Variants in TFB1M observed in about 807,000 individuals in gnomAD.
TFB1M encodes the protein transcription factor B1, mitochondrial, also known as dimethyladenosine transferase 1, mitochondrial.
Under a neutral mutation model 31.1 loss-of-function variants are expected in TFB1M, and 27 were observed. The observed-to-expected ratio is 0.87, with a 90% CI of 0.64 to 1.20. The LOEUF (loss-of-function observed/expected upper bound fraction) is 1.20, where lower values mean the gene tolerates loss of function less well. TFB1M is among the 50% of genes most tolerant of loss of function. TFB1M has a pLI of 0.00. For missense variants in TFB1M, 394 were observed against 418.7 expected, an observed-to-expected ratio of 0.94 and a Z score of 0.51; for synonymous variants, 166 against 151.8, an observed-to-expected ratio of 1.09 and a Z score of -0.69.
intron 3 of TFB1M, 68 bp downstream of exon 3, chr6:155,298,409 A>C (rs1296891804): frequency 1.3e-5 from 11 of 833,096 alleles, no homozygotes; most frequent in Non-Finnish European, 1.9e-5. Flanking sequence ...TAAATGTATC[A>C]TAAAATGAAC....
intron 1 of TFB1M, 23 bp downstream of exon 1, chr6:155,314,273 G>C (rs1298437091): frequency 6.2e-7 from 1 of 1,612,800 alleles, no homozygotes; most frequent in South Asian, 1.1e-5. Context: ...GAGACATCCG[G>C]GGAGCACTGC....
At chr6:155,260,644 A>G (rs1452632072) in intron 5 of TFB1M, 1 of 551,118 alleles carries the variant, frequency 1.8e-6, no homozygotes, top group South Asian at 2.0e-5. Flanking sequence ...CCTGTGCTTG[A>G]TGGTCACTTA....
In TFB1M at chr6:155,257,476, G is replaced by T; in HGVS notation, c.*360C>A. 1 of 325,876 alleles carries T rather than the reference G, an allele frequency of 3.1e-6. No homozygotes were observed. The highest frequency in any genetic ancestry group is 5.6e-6 in the Non-Finnish European group (1 of 177,932). The allele number at this position is 325,876 out of a possible 1,614,324, so 20.2% of individuals were successfully genotyped here. On this transcript the variant is annotated 3_prime_UTR_variant, in exon 7 of 7. Coordinates refer to ENST00000367166, the MANE Select transcript of TFB1M (RefSeq NM_016020.4). ...AAGGGCCATTTTTTAAAATCCTCTG[G>T]GCATTTTCTTTCAGCTGTTTGTTAG... is the stretch of plus-strand genomic sequence containing the variant.
the TFB1M span, chr6:155,245,583 T>G: frequency 5.2e-6 from 8 of 1,537,606 alleles, no homozygotes; most frequent in East Asian, 2.2e-5. Flanking sequence ...ACGCATTGAT[T>G]AAACCATGTC....
At chr6:155,292,943 C>T (rs1273974113) in intron 4 of TFB1M, among the ~76,000 whole-genome samples, 1 of 152,148 alleles carries the variant, frequency 6.6e-6, no homozygotes, top group Non-Finnish European at 1.5e-5. Context: ...ATCCTCCCAC[C>T]TCAGCCTCCT....
At chr6:155,279,233 T>C (rs1785372300) in intron 5 of TFB1M, among the ~76,000 whole-genome samples, 1 of 151,620 alleles carries the variant, frequency 6.6e-6, no homozygotes, top group South Asian at 2.1e-4. Flanking sequence ...TTTTAACCTG[T>C]GGAGCACGTG....
chr6:155,232,035 C>T, the TFB1M span, among the ~76,000 whole-genome samples: 3 of 152,124 alleles, frequency 2.0e-5, no homozygotes, highest in East Asian at 5.8e-4. Flanking sequence ...GAGCCGAGAT[C>T]GTGCCACTGC....
At chr6:155,314,102 G>C in intron 1 of TFB1M, 194 bp downstream of exon 1, 1 of 1,462,776 alleles carries the variant, frequency 6.8e-7, no homozygotes, top group East Asian at 2.5e-5. Flanking sequence ...GGAGTTTTGT[G>C]AGCAATCAAC....
At chr6:155,311,701 CTA>C (rs1262933152) in intron 1 of TFB1M, among the ~76,000 whole-genome samples, 2 of 152,200 alleles carry the variant, frequency 1.3e-5, no homozygotes, top group Non-Finnish European at 2.9e-5. Context: ...CAGCACTTTT[CTA>C]TAGTTATTGA....
At chr6:155,255,042 A>C (rs1369315575), downstream of TFB1M, 1 of 156,162 alleles carries the variant, frequency 6.4e-6, no homozygotes, top group Non-Finnish European at 1.4e-5. Context: ...GTACCCAGAC[A>C]ACCATTCTGT....
chr6:155,311,560 A>C (rs1235977903), intron 1 of TFB1M, among the ~76,000 whole-genome samples: 1 of 152,208 alleles, frequency 6.6e-6, no homozygotes, highest in African/African-American at 2.4e-5. Context: ...CCCTTAACAC[A>C]CACAGGATTA....
chr6:155,245,761 T>TTTTTG, the TFB1M span: 1 of 1,455,834 alleles, frequency 6.9e-7, no homozygotes, highest in Non-Finnish European at 9.3e-7. Flanking sequence ...TATAGTTTTT[T>TTTTTG]TTTTTTTTTG....
At position 155,256,798 on chromosome 6, in the gene TFB1M, CTG is replaced by C; in HGVS notation, c.*1036_*1037del. ...AGACATCGAAATTCAGTTCCAGAGA[CTG>C]AGGATTTCCGAGGACCCAGACGTTC... On this transcript the variant is annotated 3_prime_UTR_variant, in exon 7 of 7. Transcript: ENST00000367166. 1.9e-6 allele frequency: 3 copies of C among 1,614,194 alleles called. No individual in the cohort carries two copies. The highest frequency in any genetic ancestry group is 2.5e-6 in the Non-Finnish European group (3 of 1,180,046).
At chr6:155,232,311 A>G in the TFB1M span, among the ~76,000 whole-genome samples, 1 of 152,014 alleles carries the variant, frequency 6.6e-6, no homozygotes, top group Non-Finnish European at 1.5e-5. Flanking sequence ...TTCTGACTTA[A>G]TGAATTTGCT....
In TFB1M at chr6:155,256,952, G is replaced by A; in HGVS notation, c.*884C>T. 2 of 1,614,194 alleles carry A rather than the reference G, an allele frequency of 1.2e-6. No homozygotes were observed. Among genetic ancestry groups the A allele is most frequent in the Admixed American group, 1.7e-5 (1 of 60,016 alleles). ...AAAGCCAACAGCACCAAGAGGGACAGAGGAACTTTGCTCAAGGCGCAGATC... is the reference window on the plus strand; with the variant it reads ...AAAGCCAACAGCACCAAGAGGGACAAAGGAACTTTGCTCAAGGCGCAGATC... On this transcript the variant is annotated 3_prime_UTR_variant, in exon 7 of 7. Transcript: ENST00000367166.
intron 2 of TFB1M, among the ~76,000 whole-genome samples, chr6:155,298,868 T>C (rs1240211543): frequency 6.6e-6 from 1 of 152,214 alleles, no homozygotes; most frequent in Non-Finnish European, 1.5e-5. Context: ...TCTATTTCTA[T>C]ATAGATTTAG....
At chr6:155,271,643 GA>G (rs1784921007) in intron 5 of TFB1M, among the ~76,000 whole-genome samples, 1 of 151,926 alleles carries the variant, frequency 6.6e-6, no homozygotes, top group African/African-American at 2.4e-5. Flanking sequence ...GAATACCAGG[GA>G]AAAAAGGGAG....
chr6:155,265,734 ATATT>A (rs1784603838), intron 5 of TFB1M, among the ~76,000 whole-genome samples: 4 of 140,718 alleles, frequency 2.8e-5, no homozygotes, highest in Admixed American at 7.0e-5. Flanking sequence ...ATATAAATAT[ATATT>A]ATATATAATA....
chr6:155,304,563 C>G (rs1349341204), intron 2 of TFB1M, among the ~76,000 whole-genome samples: 1 of 151,974 alleles, frequency 6.6e-6, no homozygotes, highest in East Asian at 1.9e-4. Context: ...ATTCTACACA[C>G]AAGAAACACG....
Sources: allele counts gnomAD v4.1 joint callset (sites outside exome capture counted in the v4.1 genomes callset), GRCh38; gene constraint gnomAD v4.1.1; transcripts MANE v1.5; gene names NCBI Gene and HGNC (gene_info 2026-07-23, HGNC 2026-07-21).